The following NUP155 variants were observed in gnomAD, a reference collection of about 807,000 sequenced individuals.
The protein encoded by NUP155 is nuclear pore complex protein Nup155.
In NUP155, 71 loss-of-function variants were observed where a neutral mutation model predicts 180.4. The ratio of observed to expected loss-of-function variants is 0.39; its 90% CI spans 0.33 to 0.48. The LOEUF (loss-of-function observed/expected upper bound fraction) is 0.48. Ranked by LOEUF, NUP155 falls within the 20% of genes least tolerant of loss-of-function variation. The probability of loss-of-function intolerance (pLI) is 0.91; values close to 1 mark genes in which losing one functional copy is unlikely to be tolerated. For synonymous variants in NUP155, 582 were observed against 559.5 expected (o/e 1.04, Z -0.57); for missense variants, 1,553 against 1,648.9 (o/e 0.94, Z 1.01).
intron 14 of NUP155, 53 bp downstream of exon 14, chr5:37,331,632 T>G (rs1744967012): frequency 2.1e-6 from 2 of 937,152 alleles, no homozygotes; most frequent in African/African-American, 1.6e-5. Flanking sequence ...AAACTATGAC[T>G]CCCACTGTTT....
intron 29 of NUP155, 45 bp downstream of exon 29, chr5:37,302,734 G>T: frequency 6.2e-7 from 1 of 1,601,010 alleles, no homozygotes; most frequent in South Asian, 1.1e-5. Context: ...ATAACTATGT[G>T]GCTAGTACTC....
Position 37,302,924 on chromosome 5 carries a change from CTTA to C in NUP155, c.3318-19_3318-17del. On this transcript the variant is annotated splice_polypyrimidine_tract_variant and intron_variant, in intron 28 of 34. Coordinates refer to ENST00000231498, the MANE Select transcript of NUP155 (RefSeq NM_153485.3). ...AATTTCTGTGCTAGAAGGGAAAACGCTTATTTTTAGTTACACAATTTCTTAAGG... is the reference window on the plus strand; with the variant it reads ...AATTTCTGTGCTAGAAGGGAAAACGCTTTTTAGTTACACAATTTCTTAAGG... 2 of 1,613,170 alleles carry C rather than the reference CTTA, an allele frequency of 1.2e-6. No homozygotes were observed. Among genetic ancestry groups the C allele is most frequent in the Non-Finnish European group, 1.7e-6 (2 of 1,179,528 alleles).
In NUP155 at chr5:37,291,935, T is replaced by A; in HGVS notation, c.4141A>T (p.Lys1381Ter). 1 of 1,614,116 alleles carries A rather than the reference T, an allele frequency of 6.2e-7. No homozygotes were observed. Among genetic ancestry groups the A allele is most frequent in the Non-Finnish European group, 8.5e-7 (1 of 1,179,958 alleles). Residue 1381 changes from lysine to a stop codon, truncating the protein, a stop_gained, in exon 35 of 35, where the codon AAA (lysine) becomes TAA (stop). Transcript: ENST00000231498. LOFTEE classifies it high-confidence loss of function. ...CGTTCTAATTTAGCTTGAAGAGATT[T>A]AAAATTCCCAGTGATGGCTTGTACT... ...VAVQAITGNFKSLQAKLERLH is the reference protein window; with the variant it reads ...VAVQAITGNF
chr5:37,310,014 TAAAAA>T (rs35386254), intron 23 of NUP155, among the ~76,000 whole-genome samples: 1 of 150,260 alleles, frequency 6.7e-6, no homozygotes. Flanking sequence ...TACTCAGTCT[TAAAAA>T]AAAAGAGAGA....
intron 34 of NUP155, among the ~76,000 whole-genome samples, chr5:37,292,406 T>A (rs216394): frequency 5.3e-5 from 8 of 151,514 alleles, no homozygotes; most frequent in Admixed American, 3.9e-4. Flanking sequence ...TTAGTAGAGA[T>A]GGGGTTTCAC....
chr5:37,311,491 A>C (rs778040945), intron 22 of NUP155, among the ~76,000 whole-genome samples: 2 of 152,170 alleles, frequency 1.3e-5, no homozygotes, highest in Admixed American at 1.3e-4. Context: ...TTTAAAAATA[A>C]AAAACAGTAT....
At chr5:37,355,266 G>A (rs1011410942) in intron 4 of NUP155, among the ~76,000 whole-genome samples, 1 of 152,106 alleles carries the variant, frequency 6.6e-6, no homozygotes, top group Admixed American at 6.6e-5. Flanking sequence ...CCAGGACTTT[G>A]AGAGGCCAAG....
At chr5:37,328,224 G>GGC (rs1160772075) in intron 17 of NUP155, 134 bp downstream of exon 17, 10 of 736,472 alleles carry the variant, frequency 1.4e-5, no homozygotes, top group Non-Finnish European at 1.8e-5. Context: ...AAACTTGCTT[G>GGC]GACAGCGCTT....
chr5:37,361,906 A>AG (rs1561815661), intron 3 of NUP155, among the ~76,000 whole-genome samples: 1 of 152,144 alleles, frequency 6.6e-6, no homozygotes, highest in Non-Finnish European at 1.5e-5. Context: ...TTAGGTCATG[A>AG]GGGTATATCT....
chr5:37,310,820 T>A, intron 22 of NUP155, 77 bp from the exon 23 acceptor site: 1 of 1,151,652 alleles, frequency 8.7e-7, no homozygotes, highest in Non-Finnish European at 1.2e-6. Flanking sequence ...TTTAATAAAT[T>A]AAAATAACCT....
At chr5:37,335,540 T>C (rs1266423360) in intron 12 of NUP155, among the ~76,000 whole-genome samples, 1 of 152,214 alleles carries the variant, frequency 6.6e-6, no homozygotes, top group East Asian at 1.9e-4. Context: ...TCTCTTTCTG[T>C]ATATTTGTTT....
intron 24 of NUP155, among the ~76,000 whole-genome samples, chr5:37,307,902 A>G (rs1251140635): frequency 6.7e-6 from 1 of 149,044 alleles, no homozygotes; most frequent in African/African-American, 2.5e-5. Context: ...AGCCTGGGTG[A>G]CAGAACAAGA....
chr5:37,306,385 A>C (rs1743156042), intron 25 of NUP155, among the ~76,000 whole-genome samples: 1 of 152,184 alleles, frequency 6.6e-6, no homozygotes. Flanking sequence ...CCAGCCCAGG[A>C]GACAGAGTGA....
At chr5:37,299,710 AT>A in intron 30 of NUP155, 142 bp from the exon 31 acceptor site, 1 of 880,252 alleles carries the variant, frequency 1.1e-6, no homozygotes, top group East Asian at 2.7e-5. Context: ...GTGATGATGT[AT>A]GTAGCTGGTT....
chr5:37,343,834 T>C (rs1745901827), intron 9 of NUP155, among the ~76,000 whole-genome samples: 1 of 151,656 alleles, frequency 6.6e-6, no homozygotes, highest in Admixed American at 6.6e-5. Flanking sequence ...GAGGTTGCAG[T>C]GAGCTGAGAT....
chr5:37,359,014 CAA>C (rs35596568), intron 3 of NUP155, among the ~76,000 whole-genome samples: 7 of 127,648 alleles, frequency 5.5e-5, no homozygotes, highest in South Asian at 2.6e-4. Context: ...GACTCCGTCT[CAA>C]AAAAAAAAAA....
intron 1 of NUP155, 74 bp from the exon 2 acceptor site, chr5:37,364,458 C>T: frequency 7.3e-7 from 1 of 1,366,136 alleles, no homozygotes; most frequent in Non-Finnish European, 1.0e-6. Flanking sequence ...TTGAGTGCCA[C>T]AAAAAAATTG....
chr5:37,314,237 A>C lies in NUP155; in HGVS notation c.2397T>G (p.Cys799Trp), dbSNP rs546142126. ...CCACAATGATAGTGAATTGATGTTC[A>C]CAAAGAAGTTTCCATAAAGCCAGAG... ...YQALALWKLLCEHQFTIIVAE... is the reference protein window; with the variant it reads ...YQALALWKLLWEHQFTIIVAE... Residue 799 changes from cysteine to tryptophan, a missense_variant, in exon 22 of 35, where the codon TGT (cysteine) becomes TGG (tryptophan). By Grantham distance (215) the Cys-to-Trp change is radical (BLOSUM62 -2). Transcript: ENST00000231498. 1 of 1,610,744 alleles carries C rather than the reference A, an allele frequency of 6.2e-7. No individual in the cohort carries two copies. The highest frequency in any genetic ancestry group is 8.5e-7 in the Non-Finnish European group (1 of 1,177,470).
intron 1 of NUP155, among the ~76,000 whole-genome samples, chr5:37,367,418 A>G (rs1166997502): frequency 6.6e-6 from 1 of 151,366 alleles, no homozygotes; most frequent in Non-Finnish European, 1.5e-5. Context: ...TTTCGCCATG[A>G]TGGCCAGGCT....
Sources: gnomAD v4.1 joint callset for allele counts (sites outside exome capture counted in the v4.1 genomes callset) on GRCh38, gnomAD v4.1.1 for gene constraint, MANE v1.5 for transcripts, NCBI Gene and HGNC (gene_info 2026-07-23, HGNC 2026-07-21) for gene names.